KCNK9: variants seen among roughly 807,000 people sequenced by gnomAD.
KCNK9 encodes potassium two pore domain channel subfamily K member 9, also known as potassium channel subfamily K member 9.
In KCNK9, 1 loss-of-function variant was observed where a neutral mutation model predicts 10.8. The ratio of observed to expected loss-of-function variants is 0.09; its 90% CI spans 0.03 to 0.44. The LOEUF (loss-of-function observed/expected upper bound fraction) is 0.44. Among genes scored for constraint, KCNK9 ranks in the 20% least tolerant of loss-of-function variants. The probability of loss-of-function intolerance (pLI) is 0.97; values close to 1 mark genes in which losing one functional copy is unlikely to be tolerated. For synonymous variants in KCNK9, 231 were observed against 222.7 expected (o/e 1.04, Z -0.33); for missense variants, 303 against 515.0 (o/e 0.59, Z 3.98).
intron 1 of KCNK9, among the ~76,000 whole-genome samples, chr8:139,645,641 C>A (rs1348429884): frequency 6.6e-6 from 1 of 152,166 alleles, no homozygotes; most frequent in Non-Finnish European, 1.5e-5. Flanking sequence ...ATGCCCCACA[C>A]TCTAGAGCCC....
intron 1 of KCNK9, among the ~76,000 whole-genome samples, chr8:139,662,762 G>T (rs898193899): frequency 6.6e-6 from 1 of 151,196 alleles, no homozygotes; most frequent in African/African-American, 2.4e-5. Context: ...CCAGCCCAGA[G>T]GATTTAGCAG....
chr8:139,664,819 C>T (rs1288020482), intron 1 of KCNK9, among the ~76,000 whole-genome samples: 1 of 152,200 alleles, frequency 6.6e-6, no homozygotes, highest in Non-Finnish European at 1.5e-5. Flanking sequence ...CCAGCTCCTC[C>T]AGCCATTGCA....
At chr8:139,682,188 GA>G (rs1816704061) in intron 1 of KCNK9, among the ~76,000 whole-genome samples, 1 of 152,190 alleles carries the variant, frequency 6.6e-6, no homozygotes, top group African/African-American at 2.4e-5. Context: ...TTGCTTTTCT[GA>G]AAGACCTAGA....
chr8:139,635,286 A>G (rs1178184970), intron 1 of KCNK9, among the ~76,000 whole-genome samples: 1 of 152,236 alleles, frequency 6.6e-6, no homozygotes, highest in African/African-American at 2.4e-5. Context: ...TCAACAAGAA[A>G]ACGGAGGCCC....
intron 1 of KCNK9, among the ~76,000 whole-genome samples, chr8:139,673,941 G>T (rs922209310): frequency 6.6e-6 from 1 of 152,094 alleles, no homozygotes; most frequent in African/African-American, 2.4e-5. Flanking sequence ...AGCCACGGCA[G>T]CCCCGCCCCT....
intron 1 of KCNK9, among the ~76,000 whole-genome samples, chr8:139,646,442 C>T (rs1169164590): frequency 6.6e-6 from 1 of 152,250 alleles, no homozygotes; most frequent in Non-Finnish European, 1.5e-5. Context: ...GAGATTCTAG[C>T]GGCCAGGTCA....
chr8:139,694,053 A>C (rs1816994756), intron 1 of KCNK9, among the ~76,000 whole-genome samples: 1 of 152,000 alleles, frequency 6.6e-6, no homozygotes, highest in Non-Finnish European at 1.5e-5. Context: ...CATCCATTGG[A>C]TGGTAGGAGC....
At chr8:139,663,519 C>T (rs1024621476) in intron 1 of KCNK9, among the ~76,000 whole-genome samples, 4 of 152,144 alleles carry the variant, frequency 2.6e-5, no homozygotes, top group Non-Finnish European at 5.9e-5. Flanking sequence ...TTCCCACCTG[C>T]TCGTTCACCC....
chr8:139,613,257 G>A (rs139034384), downstream of KCNK9, among the ~76,000 whole-genome samples: 50 of 152,284 alleles, frequency 3.3e-4, 1 homozygote, highest in Middle Eastern at 3.4e-3. Context: ...CTGGGCGAGA[G>A]GTCTAGGGAA....
chr8:139,626,278 C>T (rs1814971140), intron 1 of KCNK9, among the ~76,000 whole-genome samples: 1 of 152,162 alleles, frequency 6.6e-6, no homozygotes, highest in East Asian at 1.9e-4. Context: ...AAGGGTAAAA[C>T]CTCTGCCCTC....
intron 1 of KCNK9, among the ~76,000 whole-genome samples, chr8:139,651,855 C>T (rs1186013033): frequency 6.6e-6 from 1 of 152,158 alleles, no homozygotes; most frequent in East Asian, 1.9e-4. Flanking sequence ...CCTGCTATTG[C>T]TCTAAGGGAC....
intron 1 of KCNK9, among the ~76,000 whole-genome samples, chr8:139,654,082 C>T (rs910220820): frequency 3.3e-5 from 5 of 152,216 alleles, no homozygotes; most frequent in Non-Finnish European, 5.9e-5. Context: ...AGTCAATTGC[C>T]CCAGGAACAG....
intron 1 of KCNK9, among the ~76,000 whole-genome samples, chr8:139,689,676 T>C (rs1159796873): frequency 1.4e-5 from 2 of 142,942 alleles, no homozygotes; most frequent in Non-Finnish European, 3.0e-5. Flanking sequence ...GGAGTCTCAC[T>C]CTGCTGCCCA....
At chr8:139,656,321 A>C (rs1318574094) in intron 1 of KCNK9, among the ~76,000 whole-genome samples, 3 of 151,978 alleles carry the variant, frequency 2.0e-5, no homozygotes, top group Non-Finnish European at 4.4e-5. Context: ...TGGGCCACTA[A>C]CTCTTTGGCC....
At chr8:139,638,645 A>G (rs1815406767) in intron 1 of KCNK9, among the ~76,000 whole-genome samples, 1 of 152,154 alleles carries the variant, frequency 6.6e-6, no homozygotes, top group Non-Finnish European at 1.5e-5. Context: ...TTGTCTGGGG[A>G]TAGTCCCTAC....
chr8:139,644,130 G>T (rs1437485433), intron 1 of KCNK9, among the ~76,000 whole-genome samples: 1 of 152,206 alleles, frequency 6.6e-6, no homozygotes, highest in African/African-American at 2.4e-5. Flanking sequence ...GGCACTGTGG[G>T]ATGTAGGTGC....
At chr8:139,675,313 C>T (rs1332058089) in intron 1 of KCNK9, among the ~76,000 whole-genome samples, 1 of 152,222 alleles carries the variant, frequency 6.6e-6, no homozygotes, top group Non-Finnish European at 1.5e-5. Flanking sequence ...TTGTCCTTCC[C>T]AAAACGTATT....
chr8:139,643,847 T>A (rs1441400937), intron 1 of KCNK9, among the ~76,000 whole-genome samples: 2 of 152,178 alleles, frequency 1.3e-5, no homozygotes, highest in Non-Finnish European at 2.9e-5. Flanking sequence ...GGCCCGCAGG[T>A]TCAGCTGAGC....
intron 1 of KCNK9, among the ~76,000 whole-genome samples, chr8:139,628,987 C>G (rs764877865): frequency 6.6e-6 from 1 of 152,190 alleles, no homozygotes; most frequent in Non-Finnish European, 1.5e-5. Flanking sequence ...ACTGACCCAG[C>G]ACCGCTTGCA....
Sources: allele counts gnomAD v4.1 joint callset (sites outside exome capture counted in the v4.1 genomes callset), GRCh38; gene constraint gnomAD v4.1.1; transcripts MANE v1.5; gene names NCBI Gene and HGNC (gene_info 2026-07-23, HGNC 2026-07-21).